IGF2BP3: variants seen among roughly 807,000 people sequenced by gnomAD.
IGF2BP3 encodes the protein insulin like growth factor 2 mRNA binding protein 3.
In IGF2BP3, 9 loss-of-function variants were observed where a neutral mutation model predicts 73.8. The ratio of observed to expected loss-of-function variants is 0.12; its 90% CI spans 0.07 to 0.21. IGF2BP3 has a LOEUF of 0.21. Among genes scored for constraint, IGF2BP3 ranks in the 10% least tolerant of loss-of-function variants. The probability of loss-of-function intolerance (pLI) is 1.00; values close to 1 mark genes in which losing one functional copy is unlikely to be tolerated. For synonymous variants in IGF2BP3, 258 were observed against 256.7 expected (o/e 1.01, Z -0.05); for missense variants, 542 against 714.0 (o/e 0.76, Z 2.75).
chr7:23,433,512 T>A lies in IGF2BP3; in HGVS notation c.237-14688A>T, dbSNP rs563350240. ...TTTTTTTTTTTTTTTTGAGACAGGG[T>A]TTTTGCTCTCTCGCCCAAACTGTAG... is the stretch of plus-strand genomic sequence containing the variant. On this transcript the variant is annotated intron_variant, in intron 2 of 14. Coordinates refer to ENST00000258729, the MANE Select transcript of IGF2BP3 (RefSeq NM_006547.3). Among the ~76,000 whole-genome samples, 51 of 150,754 alleles carry A rather than the reference T, an allele frequency of 3.4e-4. 1 individual carries two copies. The highest frequency in any genetic ancestry group is 1.7e-3 in the South Asian group (8 of 4,730).
chr7:23,338,826 T>A (rs956510149), intron 10 of IGF2BP3, among the ~76,000 whole-genome samples: 2 of 152,218 alleles, frequency 1.3e-5, no homozygotes, highest in Non-Finnish European at 2.9e-5. Flanking sequence ...TGTCAATCAA[T>A]GTAAAATAAG....
chr7:23,385,131 A>G (rs897942563), intron 3 of IGF2BP3, among the ~76,000 whole-genome samples: 12 of 152,146 alleles, frequency 7.9e-5, no homozygotes, highest in Non-Finnish European at 1.5e-4. Context: ...TAAATGAAAG[A>G]ATAATAGAAT....
At chr7:23,460,303 A>G (rs1297806540) in intron 2 of IGF2BP3, among the ~76,000 whole-genome samples, 1 of 151,644 alleles carries the variant, frequency 6.6e-6, no homozygotes, top group Non-Finnish European at 1.5e-5. Context: ...TGAGGTGGGC[A>G]GATTACCTGA....
chr7:23,452,736 A>T (rs931185784), intron 2 of IGF2BP3, among the ~76,000 whole-genome samples: 1 of 147,192 alleles, frequency 6.8e-6, no homozygotes, highest in Non-Finnish European at 1.5e-5. Context: ...CAGGAGGCGG[A>T]GGTTGCAGTG....
intron 3 of IGF2BP3, among the ~76,000 whole-genome samples, chr7:23,391,905 T>TAA (rs1786288917): frequency 6.6e-6 from 1 of 152,334 alleles, no homozygotes; most frequent in Non-Finnish European, 1.5e-5. Flanking sequence ...TAGGCCTTAC[T>TAA]CTTCAATGTA....
Position 23,418,765 on chromosome 7 carries a change from G to A in IGF2BP3, c.285+11C>T. The A allele has an allele frequency of 1.9e-6, 3 of 1,549,532 alleles. No individual in the cohort carries two copies. The highest frequency in any genetic ancestry group is 2.6e-6 in the Non-Finnish European group (3 of 1,132,430). ...TACTTAGATCTTAATTTTAAATACA[G>A]AAATTCTTACCTCCCACTGTAAATG... On this transcript the variant is annotated intron_variant, in intron 3 of 14. Coordinates refer to ENST00000258729, the MANE Select transcript of IGF2BP3 (RefSeq NM_006547.3).
intron 3 of IGF2BP3, among the ~76,000 whole-genome samples, chr7:23,388,101 C>T (rs111665084): frequency 0.11 from 16,593 of 151,990 alleles, 1,002 homozygotes; most frequent in Middle Eastern, 0.19. Context: ...ACACCACGCC[C>T]GGCTAATTTT....
At chr7:23,335,414 G>T (rs537011616) in intron 10 of IGF2BP3, among the ~76,000 whole-genome samples, 59 of 151,792 alleles carry the variant, frequency 3.9e-4, no homozygotes, top group African/African-American at 1.3e-3. Flanking sequence ...CTTCCAAGTA[G>T]CTGGGATAGG....
chr7:23,344,440 T>C (rs950077157), intron 8 of IGF2BP3, among the ~76,000 whole-genome samples: 1 of 152,206 alleles, frequency 6.6e-6, no homozygotes, highest in East Asian at 1.9e-4. Flanking sequence ...TATCAATCCA[T>C]CTTGACTAAA....
intron 3 of IGF2BP3, among the ~76,000 whole-genome samples, chr7:23,367,691 C>G (rs1785419021): frequency 6.6e-6 from 1 of 152,028 alleles, no homozygotes; most frequent in East Asian, 1.9e-4. Context: ...AAATGTTCAG[C>G]CTTTTTAAAA....
At chr7:23,382,530 T>C (rs1785944639) in intron 3 of IGF2BP3, among the ~76,000 whole-genome samples, 1 of 152,100 alleles carries the variant, frequency 6.6e-6, no homozygotes, top group South Asian at 2.1e-4. Flanking sequence ...TCTGTCAGGA[T>C]TTTAATCATG....
chr7:23,325,694 A>C (rs988635229), intron 10 of IGF2BP3, among the ~76,000 whole-genome samples: 17 of 152,236 alleles, frequency 1.1e-4, no homozygotes, highest in Non-Finnish European at 2.1e-4. Context: ...TACAGTAACC[A>C]AAACAGCATG....
intron 10 of IGF2BP3, among the ~76,000 whole-genome samples, chr7:23,331,169 A>G (rs1012061381): frequency 5.3e-5 from 8 of 152,178 alleles, no homozygotes; most frequent in African/African-American, 1.7e-4. Context: ...TAATAAATTT[A>G]TTGACCATAA....
intron 2 of IGF2BP3, among the ~76,000 whole-genome samples, chr7:23,467,241 C>T (rs1191866180): frequency 1.3e-5 from 2 of 149,732 alleles, no homozygotes; most frequent in South Asian, 2.1e-4. Flanking sequence ...AAATGCTTTG[C>T]CTGGGAAGAG....
chr7:23,419,814 C>A (rs559841252), intron 2 of IGF2BP3, among the ~76,000 whole-genome samples: 1 of 152,254 alleles, frequency 6.6e-6, no homozygotes, highest in Admixed American at 6.5e-5. Flanking sequence ...GATTGCATCA[C>A]GGCACTGCAG....
At chr7:23,367,585 CA>C (rs1467839217) in intron 3 of IGF2BP3, among the ~76,000 whole-genome samples, 2 of 152,010 alleles carry the variant, frequency 1.3e-5, no homozygotes, top group Non-Finnish European at 2.9e-5. Flanking sequence ...ATTCCAACGA[CA>C]GGGGAGGGAG....
At chr7:23,452,065 C>T (rs892796744) in intron 2 of IGF2BP3, among the ~76,000 whole-genome samples, 2 of 150,116 alleles carry the variant, frequency 1.3e-5, no homozygotes, top group African/African-American at 2.5e-5. Flanking sequence ...AGCACAGTGG[C>T]GTGATATCAG....
At chr7:23,397,183 GT>G (rs1003435662) in intron 3 of IGF2BP3, among the ~76,000 whole-genome samples, 1 of 152,160 alleles carries the variant, frequency 6.6e-6, no homozygotes, top group Non-Finnish European at 1.5e-5. Flanking sequence ...GAAGGAATCT[GT>G]TTTTTTGCGA....
rs150808469 is a variant in IGF2BP3 at position 23,316,748 on chromosome 7, C to T, written c.1395+891G>A. On this transcript the variant is annotated intron_variant, in intron 12 of 14. Coordinates refer to ENST00000258729, the MANE Select transcript of IGF2BP3 (RefSeq NM_006547.3). ...AAATAGTTGTCTTCTTACACAGCCA[C>T]TAAATGTTCTAAGACAAGACACCCA... 3.2e-3 allele frequency among the ~76,000 whole-genome samples: 478 copies of T among 150,276 alleles called. 3 individuals are homozygous for T. The highest frequency in any genetic ancestry group is 0.011 in the African/African-American group (462 of 40,924).
Sources: allele counts gnomAD v4.1 joint callset (sites outside exome capture counted in the v4.1 genomes callset), GRCh38; gene constraint gnomAD v4.1.1; transcripts MANE v1.5; gene names NCBI Gene and HGNC (gene_info 2026-07-23, HGNC 2026-07-21).